The following AUTS2 variants were observed in gnomAD, a reference collection of about 807,000 sequenced individuals.
AUTS2 encodes activator of transcription and developmental regulator AUTS2.
In AUTS2, 17 loss-of-function variants were observed where a neutral mutation model predicts 112.4. The ratio of observed to expected loss-of-function variants is 0.15; its 90% confidence interval spans 0.10 to 0.23. The LOEUF is 0.23. Ranked by LOEUF, AUTS2 falls within the 10% of genes least tolerant of loss-of-function variation. AUTS2 has a pLI of 1.00. For missense variants in AUTS2, 1,510 were observed against 1,701.6 expected (o/e 0.89, Z 1.98); for synonymous variants, 751 against 702.7 (o/e 1.07, Z -1.09).
chr7:70,785,921 CT>C, intron 16 of AUTS2, 33 bp from the exon 17 acceptor site: 2 of 1,607,690 alleles, frequency 1.2e-6, no homozygotes, highest in Middle Eastern at 1.9e-4. Context: ...AGCAGAGCCC[CT>C]GACCATTTCC....
intron 1 of AUTS2, among the ~76,000 whole-genome samples, chr7:69,801,630 CAA>C (rs1790087792): frequency 1.3e-5 from 2 of 151,924 alleles, no homozygotes; most frequent in African/African-American, 4.8e-5. Context: ...TATCTTAAAA[CAA>C]AACTTCCCAC....
intron 14 of AUTS2, among the ~76,000 whole-genome samples, chr7:70,778,067 A>G (rs927732770): frequency 4.6e-5 from 7 of 152,164 alleles, no homozygotes; most frequent in Non-Finnish European, 1.0e-4. Flanking sequence ...CTGTCCAAAG[A>G]CGATTTTTCC....
rs73704486 is a variant in AUTS2 at position 70,476,263 on chromosome 7, A to G, written c.690+40482A>G. Among the ~76,000 whole-genome samples, 679 of 152,240 alleles carry G rather than the reference A, an allele frequency of 4.5e-3. 9 individuals carry two copies. Among genetic ancestry groups the G allele is most frequent in the African/African-American group, 0.015 (622 of 41,550 alleles). On this transcript the variant is annotated intron_variant, in intron 5 of 18. Transcript: ENST00000342771. ...GACAAATGATTCGTCCAGTGAGTAC[A>G]GAGTGCTGGGATTCAGACAGCTCTG... is the stretch of plus-strand genomic sequence containing the variant.
intron 4 of AUTS2, among the ~76,000 whole-genome samples, chr7:70,433,229 G>A (rs1795748571): frequency 6.6e-6 from 1 of 152,174 alleles, no homozygotes; most frequent in African/African-American, 2.4e-5. Flanking sequence ...GGGCACAGTG[G>A]TGGTTCTTTC....
chr7:70,037,096 G>A (rs191059819), intron 2 of AUTS2, among the ~76,000 whole-genome samples: 1 of 152,222 alleles, frequency 6.6e-6, no homozygotes, highest in Admixed American at 6.5e-5. Context: ...CTGCCACAAC[G>A]TGGGTGAGCC....
intron 4 of AUTS2, among the ~76,000 whole-genome samples, chr7:70,336,023 C>T (rs1790974501): frequency 6.6e-6 from 1 of 152,152 alleles, no homozygotes; most frequent in Non-Finnish European, 1.5e-5. Flanking sequence ...AAATCCAGAA[C>T]TATAAAGTCT....
At chr7:70,698,393 C>T (rs1809252929) in intron 5 of AUTS2, among the ~76,000 whole-genome samples, 176 bp from the exon 6 acceptor site, 1 of 152,114 alleles carries the variant, frequency 6.6e-6, no homozygotes, top group African/African-American at 2.4e-5. Context: ...AGCTGCACTG[C>T]AGGTCTCTCT....
chr7:70,000,405 A>T (rs1799138611), intron 2 of AUTS2, among the ~76,000 whole-genome samples: 1 of 152,212 alleles, frequency 6.6e-6, no homozygotes, highest in Non-Finnish European at 1.5e-5. Flanking sequence ...GAGCTAAGCC[A>T]TTACTGATAA....
chr7:70,335,461 G>A (rs913489686), intron 4 of AUTS2, among the ~76,000 whole-genome samples: 1 of 152,164 alleles, frequency 6.6e-6, no homozygotes, highest in African/African-American at 2.4e-5. Context: ...TTTGTCCATG[G>A]CCATACTTAT....
At chr7:70,150,312 A>G (rs1215934855) in intron 4 of AUTS2, among the ~76,000 whole-genome samples, 1 of 152,156 alleles carries the variant, frequency 6.6e-6, no homozygotes, top group Non-Finnish European at 1.5e-5. Context: ...AGGTAGGAAA[A>G]TATTGTGCAC....
chr7:69,838,248 T>C (rs2129528289), intron 1 of AUTS2, among the ~76,000 whole-genome samples: 1 of 152,300 alleles, frequency 6.6e-6, no homozygotes, highest in African/African-American at 2.4e-5. Context: ...GAATATGAGA[T>C]GACTTAGAGA....
At chr7:70,673,309 TC>T (rs1807741452) in intron 5 of AUTS2, among the ~76,000 whole-genome samples, 1 of 152,144 alleles carries the variant, frequency 6.6e-6, no homozygotes, top group African/African-American at 2.4e-5. Flanking sequence ...TTGGTGAAAC[TC>T]TAGTACTGTG....
intron 5 of AUTS2, among the ~76,000 whole-genome samples, chr7:70,655,904 A>T (rs1471790638): frequency 6.6e-6 from 1 of 152,068 alleles, no homozygotes; most frequent in Non-Finnish European, 1.5e-5. Flanking sequence ...GTCCTCTGGG[A>T]TTATTGCCAG....
At chr7:70,676,500 G>T (rs1444192086) in intron 5 of AUTS2, among the ~76,000 whole-genome samples, 1 of 152,072 alleles carries the variant, frequency 6.6e-6, no homozygotes, top group Non-Finnish European at 1.5e-5. Flanking sequence ...CACATTAATG[G>T]CCCAGGGAGT....
chr7:70,585,841 T>G, intron 5 of AUTS2, among the ~76,000 whole-genome samples: 1 of 5,314 alleles, frequency 1.9e-4, no homozygotes. Context: ...AAGATTTATT[T>G]ATTTATTTAT....
In AUTS2 at chr7:69,599,498, C is replaced by G. The variant is rs1314355354; in HGVS notation, c.-156C>G. ...TTTTCTTTCTCCTCTCTTTCTTCCC[C>G]TCTCTCCCTTCTTTCGGCCGCCGTC... On this transcript the variant is annotated 5_prime_UTR_variant, in exon 1 of 19. Coordinates refer to ENST00000342771, the MANE Select transcript of AUTS2 (RefSeq NM_015570.4). This position sits in a 1 kb window ranked among gnomAD's most constrained non-coding sequence, Gnocchi z 7.0. 1.7e-6 allele frequency: 1 copy of G among 582,466 alleles called. No homozygotes were observed. Among genetic ancestry groups the G allele is most frequent in the Non-Finnish European group, 2.5e-6 (1 of 400,600 alleles). 36.1% of individuals were successfully genotyped at this position (582,466 alleles called of 1,614,324 possible).
intron 4 of AUTS2, among the ~76,000 whole-genome samples, chr7:70,271,116 C>A (rs1264054548): frequency 6.6e-6 from 1 of 152,120 alleles, no homozygotes; most frequent in Non-Finnish European, 1.5e-5. Context: ...CTCTCTTCTG[C>A]ACTGCTTACC....
intron 1 of AUTS2, among the ~76,000 whole-genome samples, chr7:69,832,157 A>G (rs982170408): frequency 3.3e-5 from 5 of 152,070 alleles, no homozygotes; most frequent in South Asian, 2.1e-4. Flanking sequence ...CCCCATAGCA[A>G]TGTTTTGAGG....
intron 5 of AUTS2, among the ~76,000 whole-genome samples, chr7:70,626,985 GGTGT>G (rs1804985426): frequency 6.6e-6 from 1 of 152,216 alleles, no homozygotes; most frequent in African/African-American, 2.4e-5. Flanking sequence ...GCTGAGTGCA[GGTGT>G]CCTTTATGGT....
Sources: allele counts gnomAD v4.1 joint callset (sites outside exome capture counted in the v4.1 genomes callset), GRCh38; gene constraint gnomAD v4.1.1; non-coding constraint Gnocchi (gnomAD v3.1); transcripts MANE v1.5; gene names NCBI Gene and HGNC (gene_info 2026-07-23, HGNC 2026-07-21).